BRDT: variants seen among roughly 807,000 people sequenced by gnomAD.
BRDT encodes bromodomain testis-specific protein.
In BRDT, 77 loss-of-function variants were observed where a neutral mutation model predicts 113.9. That is an observed-to-expected ratio of 0.68 (90% CI 0.56 to 0.82). BRDT has a LOEUF of 0.82. Ranked by LOEUF, BRDT falls within the 40% of genes least tolerant of loss-of-function variation. BRDT has a pLI of 0.00. For missense variants in BRDT, 1,027 were observed against 1,105.4 expected, an observed-to-expected ratio of 0.93 and a Z score of 1.01; for synonymous variants, 358 against 366.5, an observed-to-expected ratio of 0.98 and a Z score of 0.26.
chr1:91,965,105 G>T (rs1459871634), intron 3 of BRDT, among the ~76,000 whole-genome samples: 2 of 151,666 alleles, frequency 1.3e-5, no homozygotes, highest in African/African-American at 4.8e-5. Flanking sequence ...GTAGAGATGG[G>T]GTTTTACCAT....
intron 15 of BRDT, among the ~76,000 whole-genome samples, chr1:91,994,593 G>A (rs1686098122): frequency 6.6e-6 from 1 of 152,132 alleles, no homozygotes; most frequent in Admixed American, 6.6e-5. Flanking sequence ...AGGGCCGGGC[G>A]CGGTGGCTCA....
chr1:92,006,753 C>T (rs11165945), intron 18 of BRDT, among the ~76,000 whole-genome samples: 106,192 of 152,012 alleles, frequency 0.7, 38,519 homozygotes, highest in Middle Eastern at 0.8. Context: ...AGATGTGAGC[C>T]ACCATGCCCA....
intron 18 of BRDT, among the ~76,000 whole-genome samples, chr1:92,008,068 C>A (rs1464223835): frequency 1.3e-5 from 2 of 152,130 alleles, no homozygotes; most frequent in Non-Finnish European, 2.9e-5. Flanking sequence ...CAGGCACCCA[C>A]CACCACGCCT....
rs780280447 is a variant in BRDT at position 91,975,281 on chromosome 1, TAAAA to T, written c.446-980_446-977del. Among the ~76,000 whole-genome samples, 10 of 150,424 alleles carry T rather than the reference TAAAA, an allele frequency of 6.6e-5. No individual in the cohort carries two copies. In the East Asian group the frequency reaches 1.2e-3, roughly 18 times the overall value. ...TGTACCCTAGAACTTAAAAGTATAA[TAAAA>T]AAAATTTTAAAAAAAAAGTGAGGTT... On this transcript the variant is annotated intron_variant, in intron 4 of 18. Coordinates refer to ENST00000399546, the MANE Select transcript of BRDT (RefSeq NM_207189.4).
chr1:92,008,056 T>A (rs1687485909), intron 18 of BRDT, among the ~76,000 whole-genome samples: 2 of 152,136 alleles, frequency 1.3e-5, no homozygotes, highest in South Asian at 4.1e-4. Flanking sequence ...TAGCTGGGAT[T>A]CCAGGCACCC....
At position 91,984,882 on chromosome 1, in the gene BRDT, G is replaced by A. The variant is rs553310807; in HGVS notation, c.2002+3127G>A. ...TTGAACTCCTGAGCTCAAGTGATCC[G>A]CCCAGCTCGGCCTCCCAAAGTGCTG... is the stretch of plus-strand genomic sequence containing the variant. On this transcript the variant is annotated intron_variant, in intron 12 of 18. Coordinates refer to ENST00000399546, the MANE Select transcript of BRDT (RefSeq NM_207189.4). Among the ~76,000 whole-genome samples the A allele has an allele frequency of 9.9e-5, 15 of 152,188 alleles. No individual in the cohort carries two copies. In the East Asian group the frequency reaches 1.4e-3, roughly 14 times the overall value.
At chr1:91,996,710 A>G (rs1482089022) in intron 15 of BRDT, among the ~76,000 whole-genome samples, 2 of 152,246 alleles carry the variant, frequency 1.3e-5, no homozygotes, top group Non-Finnish European at 2.9e-5. Context: ...GCATGTGGAT[A>G]TATAAGGTAT....
chr1:91,964,583 T>A (rs747067360), intron 2 of BRDT, 44 bp from the exon 3 acceptor site: 2 of 1,202,514 alleles, frequency 1.7e-6, no homozygotes, highest in East Asian at 2.4e-5. Context: ...ATAGTTGTAG[T>A]GTATTCATTC....
chr1:92,010,551 T>G (rs2101836449), intron 18 of BRDT, among the ~76,000 whole-genome samples: 2 of 152,226 alleles, frequency 1.3e-5, no homozygotes, highest in Middle Eastern at 3.4e-3. Flanking sequence ...CCTCCCAAAG[T>G]GTTAGGATTA....
At chr1:91,984,247 C>A (rs1198609939) in intron 12 of BRDT, among the ~76,000 whole-genome samples, 1 of 151,832 alleles carries the variant, frequency 6.6e-6, no homozygotes, top group African/African-American at 2.4e-5. Context: ...TTCTAATGTT[C>A]TAAATATCAA....
intron 12 of BRDT, among the ~76,000 whole-genome samples, chr1:91,986,498 G>T (rs569597724): frequency 1.1e-4 from 16 of 152,238 alleles, no homozygotes; most frequent in African/African-American, 3.6e-4. Context: ...AAACTAAATG[G>T]TCATGACATC....
At chr1:91,985,439 C>A (rs1219702044) in intron 12 of BRDT, among the ~76,000 whole-genome samples, 2 of 151,998 alleles carry the variant, frequency 1.3e-5, no homozygotes, top group African/African-American at 4.8e-5. Flanking sequence ...AGGTGATCTG[C>A]ACACCTCGGC....
At chr1:91,994,352 G>A in intron 15 of BRDT, 98 bp downstream of exon 15, 2 of 990,184 alleles carry the variant, frequency 2.0e-6, no homozygotes, top group East Asian at 2.7e-5. Context: ...TTAAATATCT[G>A]GGAAATACCA....
intron 15 of BRDT, among the ~76,000 whole-genome samples, chr1:92,000,073 A>G (rs1324665961): frequency 1.3e-5 from 2 of 152,144 alleles, no homozygotes; most frequent in African/African-American, 2.4e-5. Flanking sequence ...TTTGGTAGAG[A>G]TGGGATCTCA....
At chr1:91,965,118 TGGC>T (rs1448089497) in intron 3 of BRDT, among the ~76,000 whole-genome samples, 2 of 152,020 alleles carry the variant, frequency 1.3e-5, no homozygotes, top group Non-Finnish European at 2.9e-5. Context: ...TTTACCATGT[TGGC>T]CTGGCTGGTC....
At chr1:91,994,832 C>T (rs1169995332) in intron 15 of BRDT, among the ~76,000 whole-genome samples, 1 of 121,544 alleles carries the variant, frequency 8.2e-6, no homozygotes, top group African/African-American at 3.2e-5. Context: ...CCCGCCACTG[C>T]ACTCCAGCCT....
chr1:91,977,055 G>A lies in BRDT; in HGVS notation c.631G>A (p.Val211Met), dbSNP rs768083673. ...TGTTCTGTTGTAGGTTACAAAAGGTGTGAAGAGGAAAGCAGATACAACAAC... is the reference window on the plus strand; with the variant it reads ...TGTTCTGTTGTAGGTTACAAAAGGTATGAAGAGGAAAGCAGATACAACAAC... ...SQTAAQVTKG[V>M]KRKADTTTPA... Residue 211 changes from valine to methionine, a missense_variant, in exon 6 of 19, where the codon GTG becomes ATG. Physicochemically the swap from Val to Met is conservative, Grantham distance 21. Coordinates refer to ENST00000399546, the MANE Select transcript of BRDT (RefSeq NM_207189.4). The A allele has an allele frequency of 6.2e-7, 1 of 1,600,794 alleles. No individual in the cohort carries two copies.
intron 18 of BRDT, among the ~76,000 whole-genome samples, chr1:92,011,560 T>A (rs1687799210): frequency 2.0e-5 from 3 of 152,110 alleles, no homozygotes; most frequent in Admixed American, 2.0e-4. Flanking sequence ...CTTTCTGTAG[T>A]GATGTAAAAT....
chr1:92,011,564 G>A (rs982702730), intron 18 of BRDT, among the ~76,000 whole-genome samples: 2 of 152,020 alleles, frequency 1.3e-5, no homozygotes, highest in African/African-American at 4.8e-5. Flanking sequence ...CTGTAGTGAT[G>A]TAAAATGTTT....
Sources: allele counts gnomAD v4.1 joint callset (sites outside exome capture counted in the v4.1 genomes callset), GRCh38; gene constraint gnomAD v4.1.1; transcripts MANE v1.5; gene names NCBI Gene and HGNC (gene_info 2026-07-23, HGNC 2026-07-21).